GLCCI1: variants seen among roughly 807,000 people sequenced by gnomAD.
The protein encoded by GLCCI1 is glucocorticoid induced 1.
GLCCI1 carries 24 observed loss-of-function variants against 52.2 expected under a neutral mutation model. The ratio of observed to expected loss-of-function variants is 0.46; its 90% confidence interval spans 0.33 to 0.65. The LOEUF (loss-of-function observed/expected upper bound fraction) is 0.65. GLCCI1 is among the 30% of genes least tolerant of loss of function. The probability of loss-of-function intolerance (pLI) is 0.02; values close to 1 mark genes in which losing one functional copy is unlikely to be tolerated. For synonymous variants in GLCCI1, 310 were observed against 276.5 expected, an observed-to-expected ratio of 1.12 and a Z score of -1.20; for missense variants, 704 against 701.5, an observed-to-expected ratio of 1.00 and a Z score of -0.04.
intron 5 of GLCCI1, among the ~76,000 whole-genome samples, chr7:8,066,855 C>G (rs1353443634): frequency 6.6e-6 from 1 of 151,772 alleles, no homozygotes; most frequent in Non-Finnish European, 1.5e-5. Flanking sequence ...AATGTATATT[C>G]TATTGTTTTG....
At chr7:8,021,987 T>C (rs1781501310) in intron 2 of GLCCI1, among the ~76,000 whole-genome samples, 2 of 152,206 alleles carry the variant, frequency 1.3e-5, no homozygotes, top group Non-Finnish European at 2.9e-5. Context: ...AGATGCCTGA[T>C]ATTTTTCAAA....
At chr7:8,072,631 A>AATAATAGTAACTTGTTTT (rs1476075134) in intron 6 of GLCCI1, among the ~76,000 whole-genome samples, 1 of 152,184 alleles carries the variant, frequency 6.6e-6, no homozygotes, top group African/African-American at 2.4e-5. Flanking sequence ...GGAAATGATA[A>AATAATAGTAACTTGTTTT]ATAATAGTAA....
intron 1 of GLCCI1, among the ~76,000 whole-genome samples, chr7:7,979,235 G>C (rs1348514112): frequency 6.6e-6 from 1 of 152,078 alleles, no homozygotes; most frequent in Non-Finnish European, 1.5e-5. Flanking sequence ...TATTTCAAAG[G>C]TCTATTAATA....
intron 3 of GLCCI1, among the ~76,000 whole-genome samples, chr7:8,024,234 T>C (rs1425345299): frequency 1.3e-5 from 2 of 152,202 alleles, no homozygotes; most frequent in African/African-American, 4.8e-5. Flanking sequence ...TATAGTTTAT[T>C]AGCATGATTT....
At chr7:7,997,023 A>G (rs1282247964) in intron 1 of GLCCI1, among the ~76,000 whole-genome samples, 2 of 152,156 alleles carry the variant, frequency 1.3e-5, no homozygotes. Flanking sequence ...CTAATGTTTC[A>G]TCATTTTATA....
intron 2 of GLCCI1, among the ~76,000 whole-genome samples, chr7:8,009,210 C>A (rs991493404): frequency 1.3e-5 from 2 of 152,072 alleles, no homozygotes; most frequent in Non-Finnish European, 2.9e-5. Context: ...GCAGATACAA[C>A]CTTTTTAAAA....
At chr7:7,991,904 A>T (rs1780844876) in intron 1 of GLCCI1, among the ~76,000 whole-genome samples, 1 of 152,088 alleles carries the variant, frequency 6.6e-6, no homozygotes, top group African/African-American at 2.4e-5. Flanking sequence ...TGATGGTTTT[A>T]GTGTGAATCC....
At chr7:8,085,848 T>C (rs1055111006) in intron 7 of GLCCI1, among the ~76,000 whole-genome samples, 2 of 152,230 alleles carry the variant, frequency 1.3e-5, no homozygotes, top group African/African-American at 4.8e-5. Flanking sequence ...TCTGGTATAC[T>C]TTTTCTTAAC....
intron 3 of GLCCI1, among the ~76,000 whole-genome samples, chr7:8,039,684 A>G (rs1206399845): frequency 1.3e-5 from 2 of 152,174 alleles, no homozygotes; most frequent in Non-Finnish European, 2.9e-5. Flanking sequence ...TACAATATTT[A>G]GGTGATGGTT....
chr7:8,076,056 C>T (rs1782870559), intron 6 of GLCCI1, among the ~76,000 whole-genome samples: 1 of 152,186 alleles, frequency 6.6e-6, no homozygotes, highest in Admixed American at 6.5e-5. Context: ...CTGCTTTTGG[C>T]ATCTTCCTAT....
intron 5 of GLCCI1, chr7:8,070,486 C>G (rs989342378): frequency 3.8e-5 from 6 of 156,216 alleles, no homozygotes; most frequent in Non-Finnish European, 8.5e-5. Context: ...AATGAACAAA[C>G]AGAAAAATCT....
chr7:7,998,175 TG>T (rs972102458), intron 1 of GLCCI1, among the ~76,000 whole-genome samples: 128 of 63,864 alleles, frequency 2.0e-3, no homozygotes, highest in African/African-American at 0.011. Flanking sequence ...TAGTTTTTTT[TG>T]TTTTTTTTTT....
intron 6 of GLCCI1, among the ~76,000 whole-genome samples, chr7:8,082,251 G>A (rs117245897): frequency 0.013 from 1,953 of 152,252 alleles, 83 homozygotes; most frequent in Admixed American, 0.081. Flanking sequence ...TTTTTAAAGC[G>A]TGCTGCTTTG....
intron 2 of GLCCI1, among the ~76,000 whole-genome samples, chr7:8,018,812 TA>T (rs1240637911): frequency 6.6e-6 from 1 of 152,220 alleles, no homozygotes; most frequent in Non-Finnish European, 1.5e-5. Flanking sequence ...CAGTTTTTCC[TA>T]AATTTATTTA....
chr7:8,068,217 G>C (rs1412841542), intron 5 of GLCCI1, among the ~76,000 whole-genome samples: 1 of 152,158 alleles, frequency 6.6e-6, no homozygotes, highest in Admixed American at 6.5e-5. Flanking sequence ...GGTCATCGTG[G>C]TGGGCACCTA....
At chr7:8,001,393 A>C (rs1234422233) in intron 1 of GLCCI1, among the ~76,000 whole-genome samples, 1 of 152,212 alleles carries the variant, frequency 6.6e-6, no homozygotes, top group Non-Finnish European at 1.5e-5. Context: ...TGCAAATCAA[A>C]ACCACAATGA....
intron 5 of GLCCI1, among the ~76,000 whole-genome samples, chr7:8,062,909 A>G (rs1030559263): frequency 5.3e-5 from 8 of 152,166 alleles, no homozygotes; most frequent in African/African-American, 1.7e-4. Context: ...TTGTTATTGT[A>G]AACAGTACTG....
At chr7:7,983,215 G>C (rs966054819) in intron 1 of GLCCI1, among the ~76,000 whole-genome samples, 1 of 152,112 alleles carries the variant, frequency 6.6e-6, no homozygotes, top group Non-Finnish European at 1.5e-5. Context: ...CTATAACCAT[G>C]TAAGAAACTG....
At chr7:7,979,976 C>G (rs903274561) in intron 1 of GLCCI1, among the ~76,000 whole-genome samples, 1 of 152,134 alleles carries the variant, frequency 6.6e-6, no homozygotes, top group African/African-American at 2.4e-5. Context: ...CGCTGTGTCA[C>G]CCAGGCTGAA....
Sources: gnomAD v4.1 joint callset for allele counts (sites outside exome capture counted in the v4.1 genomes callset) on GRCh38, gnomAD v4.1.1 for gene constraint, MANE v1.5 for transcripts, NCBI Gene and HGNC (gene_info 2026-07-23, HGNC 2026-07-21) for gene names.